The following TG variants were observed in gnomAD, a reference collection of about 807,000 sequenced individuals.
TG encodes the protein thyroglobulin.
In TG, 270 loss-of-function variants were observed where a neutral mutation model predicts 324.7. The ratio of observed to expected loss-of-function variants is 0.83; its 90% CI spans 0.75 to 0.92. TG has a LOEUF of 0.92. Ranked by LOEUF, TG falls within the 40% of genes least tolerant of loss-of-function variation. TG has a pLI of 0.00. For synonymous variants in TG, 1,401 were observed against 1,327.0 expected, an observed-to-expected ratio of 1.06 and a Z score of -1.21; for missense variants, 3,591 against 3,456.4, an observed-to-expected ratio of 1.04 and a Z score of -0.98.
intron 41 of TG, chr8:133,044,944 G>T (rs368065673): frequency 1.2e-6 from 2 of 1,609,844 alleles, no homozygotes; most frequent in Admixed American, 1.7e-5. Flanking sequence ...GCTAAGAGGG[G>T]TCCCACCATC....
At chr8:133,100,070 C>G (rs1211516641) in intron 43 of TG, among the ~76,000 whole-genome samples, 1 of 152,210 alleles carries the variant, frequency 6.6e-6, no homozygotes, top group Non-Finnish European at 1.5e-5. Flanking sequence ...TTGATGTGAC[C>G]TCTGTTAGCT....
chr8:133,100,729 C>T (rs931780604), intron 43 of TG, among the ~76,000 whole-genome samples: 1 of 152,200 alleles, frequency 6.6e-6, no homozygotes, highest in Non-Finnish European at 1.5e-5. Context: ...CAACGGTATG[C>T]TGGGTACTGA....
At chr8:132,892,311 G>A (rs557254097) in intron 10 of TG, among the ~76,000 whole-genome samples, 1 of 152,318 alleles carries the variant, frequency 6.6e-6, no homozygotes, top group East Asian at 1.9e-4. Context: ...TATTCCCAGA[G>A]TGAGACTGTC....
At chr8:133,110,083 G>A (rs1391865727) in intron 43 of TG, among the ~76,000 whole-genome samples, 1 of 152,116 alleles carries the variant, frequency 6.6e-6, no homozygotes, top group Non-Finnish European at 1.5e-5. Flanking sequence ...GTTAAGATTT[G>A]AAGGCAGATT....
In TG at chr8:132,983,182, G is replaced by T. The variant is rs1831100535; in HGVS notation, c.6200-168G>T. On this transcript the variant is annotated intron_variant, in intron 34 of 47. Coordinates refer to ENST00000220616, the MANE Select transcript of TG (RefSeq NM_003235.5). ...AGCCACTTATATGTTGAGATTGTTT[G>T]TTAGCTCAGCATCATCCAGCCCACC... Among the ~76,000 whole-genome samples, 3 of 152,102 alleles carry T rather than the reference G, an allele frequency of 2.0e-5. No homozygotes were observed. In the South Asian group the frequency reaches 6.2e-4, roughly 32 times the overall value.
At chr8:133,055,910 G>T (rs1052317508) in intron 41 of TG, among the ~76,000 whole-genome samples, 1 of 152,076 alleles carries the variant, frequency 6.6e-6, no homozygotes, top group Admixed American at 6.6e-5. Flanking sequence ...ACTGGGCTGT[G>T]GTGGTACCGA....
In TG at chr8:132,887,138, A is replaced by G. The variant is rs751391741; in HGVS notation, c.1766A>G (p.Glu589Gly). ...TTGCAACATGCTATCTCTGTGCCAG[A>G]AGATGTGGCAAGAGATTTAGGTGAT... The part of the protein sequence containing the change: ...LFLQHAISVP[E>G]DVARDLGDVM... The change falls in exon 9 of 48, where the codon GAA becomes GGA. Residue 589 changes from glutamate (E) to glycine (G), a missense_variant. Glu to Gly is a moderately conservative substitution (Grantham distance 98). Coordinates refer to ENST00000220616, the MANE Select transcript of TG (RefSeq NM_003235.5). The G allele has an allele frequency of 6.2e-7, 1 of 1,614,224 alleles. No homozygotes were observed. The highest frequency in any genetic ancestry group is 8.5e-7 in the Non-Finnish European group (1 of 1,180,038).
intron 41 of TG, among the ~76,000 whole-genome samples, chr8:133,085,813 C>T (rs1185828886): frequency 6.6e-6 from 1 of 152,194 alleles, no homozygotes; most frequent in Non-Finnish European, 1.5e-5. Context: ...AGTTTGGCAA[C>T]TTCTCAGAAG....
intron 41 of TG, among the ~76,000 whole-genome samples, chr8:133,083,792 G>A (rs138462979): frequency 2.0e-5 from 3 of 152,162 alleles, no homozygotes; most frequent in East Asian, 1.9e-4. Context: ...GCAGGCTCAC[G>A]GACTCACATG....
At chr8:132,964,972 C>G in intron 29 of TG, 1 of 701,444 alleles carries the variant, frequency 1.4e-6, no homozygotes, top group Non-Finnish European at 2.6e-6. Context: ...AGGGGAACAC[C>G]TGTGCCAAGG....
rs555149666 is a variant in TG at position 133,109,497 on chromosome 8, G to T, written c.7573-3925G>T. ...CTCCTCACGTGGCCTGGGCATTTTG[G>T]TAATATTTCAGCAGCCTAGTTCTCA... On this transcript the variant is annotated intron_variant, in intron 43 of 47. Transcript: ENST00000220616. 1.4e-3 allele frequency among the ~76,000 whole-genome samples: 217 copies of T among 152,292 alleles called. 2 individuals are homozygous for T. Among genetic ancestry groups the T allele is most frequent in the African/African-American group, 5.0e-3 (209 of 41,574 alleles).
intron 34 of TG, among the ~76,000 whole-genome samples, chr8:132,975,982 C>G (rs1830126498): frequency 6.6e-6 from 1 of 152,158 alleles, no homozygotes. Flanking sequence ...CAGTTATATA[C>G]TGTACTGGGC....
intron 27 of TG, among the ~76,000 whole-genome samples, chr8:132,951,973 A>G (rs1826169698): frequency 6.6e-6 from 1 of 152,200 alleles, no homozygotes; most frequent in Non-Finnish European, 1.5e-5. Flanking sequence ...ATTTGAAAGA[A>G]CATAGGGGGT....
intron 43 of TG, among the ~76,000 whole-genome samples, chr8:133,098,448 A>G (rs1029664028): frequency 2.6e-5 from 4 of 152,188 alleles, no homozygotes; most frequent in Non-Finnish European, 5.9e-5. Flanking sequence ...GCATGGGCAG[A>G]CTGGGATGGA....
Position 132,906,843 on chromosome 8 carries a change from T to C in TG, c.3790T>C (p.Cys1264Arg), listed in dbSNP as rs2076738. 1.1e-5 allele frequency: 17 copies of C among 1,614,010 alleles called. No homozygotes were observed. In the East Asian group the frequency reaches 3.1e-4, roughly 30 times the overall value. The change falls in exon 17 of 48, where the codon TGT (cysteine) becomes CGT (arginine). Residue 1264 changes from cysteine to arginine, a missense_variant. Cys to Arg is a radical substitution (Grantham distance 180, BLOSUM62 -3). Coordinates refer to ENST00000220616, the MANE Select transcript of TG (RefSeq NM_003235.5). ...CGTGTTTCCACCAGGGCCATTGATA[T>C]GTAGCCTGGAGAGCGGACGCTGGGA... is the stretch of plus-strand genomic sequence containing the variant. ...WSVFPPGPLI[C>R]SLESGRWESQ...
intron 41 of TG, among the ~76,000 whole-genome samples, chr8:133,033,532 C>G (rs1372149217): frequency 6.6e-6 from 1 of 152,214 alleles, no homozygotes; most frequent in Admixed American, 6.5e-5. Context: ...CTCCTGACCT[C>G]AGGAATCAGC....
chr8:133,007,148 A>G (rs1455914873), intron 35 of TG, among the ~76,000 whole-genome samples: 1 of 152,180 alleles, frequency 6.6e-6, no homozygotes, highest in Non-Finnish European at 1.5e-5. Context: ...CAAAAGACAG[A>G]GCCTTTTTAA....
At chr8:132,943,125 T>C (rs1824694351) in intron 26 of TG, among the ~76,000 whole-genome samples, 1 of 152,184 alleles carries the variant, frequency 6.6e-6, no homozygotes, top group South Asian at 2.1e-4. Context: ...TGCAGGCCCA[T>C]GCCTGATACA....
chr8:132,915,246 G>A (rs1820124305), intron 20 of TG, among the ~76,000 whole-genome samples: 1 of 152,158 alleles, frequency 6.6e-6, no homozygotes, highest in Non-Finnish European at 1.5e-5. Flanking sequence ...GCCAGAGAAG[G>A]AGGTAAAGGG....
Sources: allele counts gnomAD v4.1 joint callset (sites outside exome capture counted in the v4.1 genomes callset), GRCh38; gene constraint gnomAD v4.1.1; transcripts MANE v1.5; gene names NCBI Gene and HGNC (gene_info 2026-07-23, HGNC 2026-07-21).